Variants in LATS2 observed in about 807,000 individuals in gnomAD.
LATS2 encodes the protein large tumor suppressor kinase 2.
In LATS2, 24 loss-of-function variants were observed where a neutral mutation model predicts 76.0. That is an observed-to-expected ratio of 0.32 (90% confidence interval 0.23 to 0.44). The LOEUF (loss-of-function observed/expected upper bound fraction) is 0.44, where lower values mean the gene tolerates loss of function less well. Among genes scored for constraint, LATS2 ranks in the 20% least tolerant of loss-of-function variants. The pLI, the probability that LATS2 is intolerant of heterozygous loss-of-function variation, is 1.00. For synonymous variants in LATS2, 692 were observed against 635.4 expected, an observed-to-expected ratio of 1.09 and a Z score of -1.34; for missense variants, 1,286 against 1,481.2, an observed-to-expected ratio of 0.87 and a Z score of 2.16.
intron 7 of LATS2, among the ~76,000 whole-genome samples, chr13:20,979,165 C>T (rs1030052432): frequency 2.0e-5 from 3 of 152,166 alleles, no homozygotes; most frequent in African/African-American, 7.2e-5. Flanking sequence ...GGATCTAATA[C>T]ATATAAAATA....
intron 2 of LATS2, among the ~76,000 whole-genome samples, chr13:21,035,056 C>G (rs998526758): frequency 6.6e-6 from 1 of 152,094 alleles, no homozygotes; most frequent in Non-Finnish European, 1.5e-5. Context: ...CATAGCAAGA[C>G]TCCATCTCTA....
At chr13:21,041,697 C>A (rs1276512560) in intron 2 of LATS2, among the ~76,000 whole-genome samples, 1 of 152,078 alleles carries the variant, frequency 6.6e-6, no homozygotes, top group Admixed American at 6.5e-5. Flanking sequence ...TCCTAGCACT[C>A]GCATCCAAAC....
At chr13:20,999,301 C>G (rs1870925335) in intron 2 of LATS2, among the ~76,000 whole-genome samples, 1 of 152,234 alleles carries the variant, frequency 6.6e-6, no homozygotes, top group Admixed American at 6.5e-5. Context: ...ACCAGACACA[C>G]GCCCGGAAGA....
intron 2 of LATS2, among the ~76,000 whole-genome samples, chr13:21,040,968 T>C (rs373148609): frequency 1.4e-4 from 21 of 151,992 alleles, no homozygotes; most frequent in African/African-American, 4.8e-4. Context: ...CCTTGAGGCA[T>C]GTGTTCACCT....
At chr13:21,002,648 G>T (rs575086690) in intron 2 of LATS2, among the ~76,000 whole-genome samples, 15 of 152,024 alleles carry the variant, frequency 9.9e-5, no homozygotes, top group Non-Finnish European at 2.2e-4. Context: ...AAACTGCTGG[G>T]ATTACAGGTG....
chr13:20,980,502 G>A (rs941286436), intron 6 of LATS2, among the ~76,000 whole-genome samples: 4 of 152,312 alleles, frequency 2.6e-5, no homozygotes, highest in African/African-American at 9.6e-5. Context: ...GTCTGCGGGT[G>A]CCTGCAGCTG....
intron 2 of LATS2, among the ~76,000 whole-genome samples, chr13:21,010,918 A>T (rs1871567712): frequency 6.6e-6 from 1 of 152,276 alleles, no homozygotes; most frequent in Non-Finnish European, 1.5e-5. Flanking sequence ...GAGAACATGG[A>T]CAGAAACTTT....
At chr13:21,029,037 C>T (rs577491827) in intron 2 of LATS2, among the ~76,000 whole-genome samples, 1 of 152,186 alleles carries the variant, frequency 6.6e-6, no homozygotes, top group African/African-American at 2.4e-5. Flanking sequence ...ATGTCAAATG[C>T]AAATTGTTAT....
intron 2 of LATS2, among the ~76,000 whole-genome samples, chr13:20,995,374 T>G (rs1210816004): frequency 2.6e-5 from 4 of 152,220 alleles, no homozygotes; most frequent in South Asian, 2.1e-4. Context: ...TACCTCAGGC[T>G]GCTGTGTAAA....
In LATS2 at chr13:20,988,410, G is replaced by C; in HGVS notation, c.1370C>G (p.Ala457Gly). The C allele has an allele frequency of 7.0e-7, 1 of 1,419,418 alleles. No individual in the cohort carries two copies. The highest frequency in any genetic ancestry group is 9.1e-7 in the Non-Finnish European group (1 of 1,096,358). The allele number at this position is 1,419,418 out of a possible 1,614,324, so 87.9% of individuals were successfully genotyped here. The change falls in exon 4 of 8, where the codon GCT becomes GGT. Residue 457 changes from alanine (A) to glycine (G), a missense_variant. Ala to Gly is a moderately conservative substitution (Grantham distance 60). Around this residue, in one of 5 missense-constraint regions of LATS2, gnomAD observed 710 missense variants for 660.9 expected, o/e 1.07. Transcript: ENST00000382592. The stretch of plus-strand genomic sequence containing the variant: ...CCAGGCGGGGTGCGAGGGCCCCACA[G>C]CCGTCTGCGGCTCCGGCCTCAGCAC... ...VRVLRPEPQT[A>G]VGPSHPAWVP...
At chr13:21,034,536 A>G (rs1872633862) in intron 2 of LATS2, among the ~76,000 whole-genome samples, 1 of 152,178 alleles carries the variant, frequency 6.6e-6, no homozygotes, top group Non-Finnish European at 1.5e-5. Flanking sequence ...GCCAAGACGG[A>G]GTCACTTGCT....
At chr13:21,026,027 C>G (rs1010253601) in intron 2 of LATS2, among the ~76,000 whole-genome samples, 2 of 152,178 alleles carry the variant, frequency 1.3e-5, no homozygotes, top group African/African-American at 2.4e-5. Context: ...TTTAAGCCAC[C>G]TCTGAAAGCA....
At chr13:21,025,178 G>C (rs1872260497) in intron 2 of LATS2, among the ~76,000 whole-genome samples, 1 of 150,036 alleles carries the variant, frequency 6.7e-6, no homozygotes, top group African/African-American at 2.5e-5. Context: ...TCAGGAGCTC[G>C]AGACCAGCTT....
At position 21,010,457 on chromosome 13, in the gene LATS2, G is replaced by A. The variant is rs564000375; in HGVS notation, c.343-19053C>T. ...CTATAGTCCTTCCAATCAGCTTTTA[G>A]TACATCACTCCCAAACATGAAGAGC... On this transcript the variant is annotated intron_variant, in intron 2 of 7. Transcript: ENST00000382592. Among the ~76,000 whole-genome samples, 53 of 152,152 alleles carry A rather than the reference G, an allele frequency of 3.5e-4. 1 individual carries two copies. Among genetic ancestry groups the A allele is most frequent in the African/African-American group, 1.3e-3 (52 of 41,500 alleles).
At chr13:21,030,381 A>G (rs1411787982) in intron 2 of LATS2, among the ~76,000 whole-genome samples, 1 of 151,866 alleles carries the variant, frequency 6.6e-6, no homozygotes, top group African/African-American at 2.4e-5. Context: ...CGAGGTCAGG[A>G]GATCGAGACC....
rs557626358 is a variant in LATS2, at chr13:21,016,929, C to T, written c.343-25525G>A. On this transcript the variant is annotated intron_variant, in intron 2 of 7. Transcript: ENST00000382592. ...CAAAGATAAGTAAAACCAACTTGCCCGATCCATGGCCATGCATCTGTTCTC... is the reference window on the plus strand; with the variant it reads ...CAAAGATAAGTAAAACCAACTTGCCTGATCCATGGCCATGCATCTGTTCTC... Among the ~76,000 whole-genome samples the T allele has an allele frequency of 5.3e-4, 80 of 152,282 alleles. 1 individual carries two copies. In the South Asian group the frequency reaches 0.016, roughly 31 times the overall value.
At chr13:21,045,360 C>CA (rs145865279) in intron 2 of LATS2, among the ~76,000 whole-genome samples, 4 of 151,802 alleles carry the variant, frequency 2.6e-5, no homozygotes, top group Non-Finnish European at 5.9e-5. Flanking sequence ...GAATAAACAC[C>CA]AAAAAAAGGG....
At chr13:21,023,646 T>TAAAAAAAAAA (rs1169391710) in intron 2 of LATS2, among the ~76,000 whole-genome samples, 1 of 70,052 alleles carries the variant, frequency 1.4e-5, no homozygotes, top group African/African-American at 7.5e-5. Context: ...TGACTGGCTT[T>TAAAAAAAAAA]AAAAAAAAAA....
chr13:21,021,719 AGTG>A (rs1278749812), intron 2 of LATS2, among the ~76,000 whole-genome samples: 1 of 152,212 alleles, frequency 6.6e-6, no homozygotes, highest in Admixed American at 6.5e-5. Context: ...AAGATAATGA[AGTG>A]AATCTGCAGA....
Sources: allele counts gnomAD v4.1 joint callset (sites outside exome capture counted in the v4.1 genomes callset), GRCh38; gene constraint gnomAD v4.1.1; regional missense constraint gnomAD v4.1.1; transcripts MANE v1.5; gene names NCBI Gene and HGNC (gene_info 2026-07-23, HGNC 2026-07-21).